The following LSAMP variants were observed in gnomAD, a reference collection of about 807,000 sequenced individuals.
LSAMP encodes the protein limbic system associated membrane protein.
LSAMP carries 7 observed loss-of-function variants against 38.6 expected under a neutral mutation model. The observed-to-expected ratio is 0.18, with a 90% confidence interval of 0.10 to 0.34. The LOEUF (loss-of-function observed/expected upper bound fraction) is 0.34. Among genes scored for constraint, LSAMP ranks in the 10% least tolerant of loss-of-function variants. The probability of loss-of-function intolerance (pLI) is 1.00; values close to 1 mark genes in which losing one functional copy is unlikely to be tolerated. For missense variants in LSAMP, 313 were observed against 420.0 expected (o/e 0.75, Z 2.23); for synonymous variants, 154 against 166.8 (o/e 0.92, Z 0.59).
At position 116,346,402 on chromosome 3, in the gene LSAMP, C is replaced by T. The variant is rs188486126; in HGVS notation, c.155+98475G>A. Among the ~76,000 whole-genome samples the T allele has an allele frequency of 4.0e-5, 6 of 149,902 alleles. No individual in the cohort carries two copies. The Admixed American group carries it at 4.0e-4, about 10-fold the overall frequency. On this transcript the variant is annotated intron_variant, in intron 1 of 6. Transcript: ENST00000490035. Reference sequence around the variant, plus strand: ...GGAATGCAGTGGTACCATCTCAGTTCACTGCAACCTCTGCTTCCCAGGCTC... The same window carrying T: ...GGAATGCAGTGGTACCATCTCAGTTTACTGCAACCTCTGCTTCCCAGGCTC...
chr3:116,409,743 A>C (rs1205142706), intron 1 of LSAMP, among the ~76,000 whole-genome samples: 1 of 152,124 alleles, frequency 6.6e-6, no homozygotes, highest in African/African-American at 2.4e-5. Flanking sequence ...TAGAAATATT[A>C]AACAGTGGGA....
intron 3 of LSAMP, among the ~76,000 whole-genome samples, chr3:116,015,381 A>C (rs1298707340): frequency 6.6e-6 from 1 of 152,174 alleles, no homozygotes; most frequent in Non-Finnish European, 1.5e-5. Context: ...AAGTTAAATG[A>C]AGATGGGAGC....
intron 1 of LSAMP, among the ~76,000 whole-genome samples, chr3:116,106,263 G>A (rs957038432): frequency 2.0e-5 from 3 of 152,198 alleles, no homozygotes; most frequent in Non-Finnish European, 4.4e-5. Flanking sequence ...ATGGCTTGGA[G>A]AAACAGTGTA....
intron 1 of LSAMP, among the ~76,000 whole-genome samples, chr3:116,166,189 C>A (rs1420785687): frequency 6.6e-6 from 1 of 152,168 alleles, no homozygotes; most frequent in Non-Finnish European, 1.5e-5. Context: ...CTTTCAGCAG[C>A]CTTCTGCCAT....
At chr3:115,997,642 C>T (rs1023466501) in intron 3 of LSAMP, among the ~76,000 whole-genome samples, 1 of 144,324 alleles carries the variant, frequency 6.9e-6, no homozygotes, top group Non-Finnish European at 1.5e-5. Context: ...TCTTGGTAAG[C>T]TTGGGGAATA....
intron 3 of LSAMP, among the ~76,000 whole-genome samples, chr3:116,002,323 C>T (rs1235011771): frequency 6.6e-6 from 1 of 151,502 alleles, no homozygotes; most frequent in African/African-American, 2.4e-5. Flanking sequence ...GAAGTTAGAG[C>T]ATAAAAGGAA....
At chr3:115,876,278 CTTT>C (rs58536199) in intron 3 of LSAMP, among the ~76,000 whole-genome samples, 3,079 of 123,238 alleles carry the variant, frequency 0.025, 112 homozygotes, top group African/African-American at 0.084. Flanking sequence ...AAGGAAAAAG[CTTT>C]TTTTTTTTTT....
intron 1 of LSAMP, among the ~76,000 whole-genome samples, chr3:116,275,221 T>TA (rs201901923): frequency 1.5e-3 from 217 of 149,544 alleles, no homozygotes; most frequent in African/African-American, 4.8e-3. Context: ...CCTGGCTAAT[T>TA]AAAAAAAAAA....
chr3:116,256,970 G>T (rs1018555636), intron 1 of LSAMP, among the ~76,000 whole-genome samples: 1 of 152,142 alleles, frequency 6.6e-6, no homozygotes, highest in Non-Finnish European at 1.5e-5. Flanking sequence ...TTCACATCTG[G>T]GGCTGCTATG....
rs1229467072 is a variant in LSAMP at position 115,806,670 on chromosome 3, T to C, written c.*3647A>G. 1 of 152,188 alleles carries C rather than the reference T, an allele frequency of 6.6e-6. No individual in the cohort carries two copies. Among genetic ancestry groups the C allele is most frequent in the African/African-American group, 2.4e-5 (1 of 41,444 alleles). 9.4% of individuals were successfully genotyped at this position (152,188 alleles called of 1,614,324 possible). On this transcript the variant is annotated 3_prime_UTR_variant, in exon 7 of 7. Coordinates refer to ENST00000490035, the MANE Select transcript of LSAMP (RefSeq NM_002338.5). The stretch of plus-strand genomic sequence containing the variant: ...TGACTATGTAGTAAAAAAATGCCCA[T>C]GGCAAGCGAGAAGTCTGTCTGACTT...
chr3:116,183,439 A>G (rs1000308440), intron 1 of LSAMP, among the ~76,000 whole-genome samples: 1 of 151,886 alleles, frequency 6.6e-6, no homozygotes, highest in Non-Finnish European at 1.5e-5. Flanking sequence ...AAATAAACAC[A>G]TACACAGGTA....
Position 115,996,538 on chromosome 3 carries a change from C to A in LSAMP, c.514+22977G>T, listed in dbSNP as rs190974740. 7.9e-5 allele frequency among the ~76,000 whole-genome samples: 12 copies of A among 151,926 alleles called. No homozygotes were observed. In the East Asian group the frequency reaches 1.7e-3, roughly 22 times the overall value. On this transcript the variant is annotated intron_variant, in intron 3 of 6. Transcript: ENST00000490035. ...AGTTTTCCCCTTAAATTAAAAAAAA[C>A]AAATGATGTAAATTCAAAATGGGAA...
At chr3:115,941,345 C>T (rs1289980551) in intron 3 of LSAMP, among the ~76,000 whole-genome samples, 1 of 151,930 alleles carries the variant, frequency 6.6e-6, no homozygotes, top group East Asian at 1.9e-4. Context: ...CTTGGTATAG[C>T]CATTATGAAA....
chr3:116,394,919 G>T (rs983328748), intron 1 of LSAMP, among the ~76,000 whole-genome samples: 6 of 152,154 alleles, frequency 3.9e-5, no homozygotes, highest in African/African-American at 1.4e-4. Flanking sequence ...GACTGACGAT[G>T]ATTTAGCAAA....
chr3:115,818,790 T>TTATATATATATATATATATATATA (rs66654115), intron 6 of LSAMP, among the ~76,000 whole-genome samples: 839 of 69,092 alleles, frequency 0.012, 55 homozygotes, highest in South Asian at 0.018. Context: ...AGTTGTACTT[T>TTATATATATATATATATATATATA]TATATATATA....
chr3:116,277,597 T>G (rs1181629641), intron 1 of LSAMP, among the ~76,000 whole-genome samples: 1 of 152,102 alleles, frequency 6.6e-6, no homozygotes, highest in Non-Finnish European at 1.5e-5. Context: ...GGTCTGGATC[T>G]CCTGACCTCC....
intron 1 of LSAMP, among the ~76,000 whole-genome samples, chr3:116,348,326 A>G (rs959733178): frequency 1.6e-4 from 24 of 152,110 alleles, no homozygotes; most frequent in African/African-American, 5.6e-4. Flanking sequence ...AAAACCTCTC[A>G]TATGGCAGAG....
chr3:116,209,001 C>T (rs951553208), intron 1 of LSAMP, among the ~76,000 whole-genome samples: 15 of 152,330 alleles, frequency 9.8e-5, no homozygotes, highest in African/African-American at 3.1e-4. Flanking sequence ...CCCGGAGCCT[C>T]GCTGCCGCCT....
intron 3 of LSAMP, among the ~76,000 whole-genome samples, chr3:115,994,786 CAAAAG>C (rs1335620890): frequency 1.3e-5 from 2 of 152,054 alleles, no homozygotes; most frequent in Admixed American, 6.6e-5. Context: ...TCTGTGGACT[CAAAAG>C]AAACTATAGT....
Sources: allele counts gnomAD v4.1 joint callset (sites outside exome capture counted in the v4.1 genomes callset), GRCh38; gene constraint gnomAD v4.1.1; transcripts MANE v1.5; gene names NCBI Gene and HGNC (gene_info 2026-07-23, HGNC 2026-07-21).